GABRB1: variants seen among roughly 807,000 people sequenced by gnomAD.
GABRB1 encodes gamma-aminobutyric acid receptor subunit beta-1.
In GABRB1, 17 loss-of-function variants were observed where a neutral mutation model predicts 51.6. The observed-to-expected ratio is 0.33, with a 90% CI of 0.23 to 0.49. The LOEUF (loss-of-function observed/expected upper bound fraction) is 0.49, where lower values mean the gene tolerates loss of function less well. Ranked by LOEUF, GABRB1 falls within the 20% of genes least tolerant of loss-of-function variation. GABRB1 has a pLI of 0.99. For synonymous variants in GABRB1, 247 were observed against 218.9 expected (o/e 1.13, Z -1.14); for missense variants, 410 against 600.6 (o/e 0.68, Z 3.32).
chr4:47,001,203 C>T (rs1243621190), intron 1 of GABRB1, among the ~76,000 whole-genome samples: 7 of 152,048 alleles, frequency 4.6e-5, no homozygotes, highest in Non-Finnish European at 8.8e-5. Flanking sequence ...AGTACAGTGG[C>T]GCGATCTGGG....
chr4:47,407,586 A>G (rs1256115398), intron 8 of GABRB1, among the ~76,000 whole-genome samples: 1 of 152,176 alleles, frequency 6.6e-6, no homozygotes, highest in African/African-American at 2.4e-5. Flanking sequence ...ACTGAAATCA[A>G]TTTACCATTA....
At chr4:47,297,176 A>G (rs1724033875) in intron 4 of GABRB1, among the ~76,000 whole-genome samples, 1 of 151,706 alleles carries the variant, frequency 6.6e-6, no homozygotes, top group East Asian at 1.9e-4. Flanking sequence ...CAAAATTGAC[A>G]CCCTAACATC....
At chr4:47,100,061 G>A (rs1714653711) in intron 3 of GABRB1, among the ~76,000 whole-genome samples, 1 of 151,978 alleles carries the variant, frequency 6.6e-6, no homozygotes, top group Admixed American at 6.6e-5. Context: ...TTGAAATTAT[G>A]TTCGGGGTTT....
intron 5 of GABRB1, among the ~76,000 whole-genome samples, chr4:47,349,776 C>T (rs1578113263): frequency 6.6e-6 from 1 of 152,300 alleles, no homozygotes; most frequent in East Asian, 1.9e-4. Flanking sequence ...TTTACATGGC[C>T]TTCTAGTCAA....
intron 4 of GABRB1, among the ~76,000 whole-genome samples, chr4:47,221,045 T>C (rs1057468286): frequency 3.9e-5 from 6 of 152,030 alleles, no homozygotes; most frequent in African/African-American, 1.4e-4. Flanking sequence ...CCCTCCTAAA[T>C]GTCCCAAACT....
At chr4:47,121,995 G>GCCTATT (rs1181395573) in intron 3 of GABRB1, among the ~76,000 whole-genome samples, 10 of 29,008 alleles carry the variant, frequency 3.4e-4, no homozygotes, top group Non-Finnish European at 7.2e-4. Context: ...AAAAAGGCAT[G>GCCTATT]TCTATTTCCT....
At chr4:47,058,979 C>G (rs1459939739) in intron 3 of GABRB1, among the ~76,000 whole-genome samples, 1 of 152,178 alleles carries the variant, frequency 6.6e-6, no homozygotes, top group Non-Finnish European at 1.5e-5. Context: ...TGAAGTCCAT[C>G]TTATTAGTTG....
chr4:47,396,457 T>A (rs1216750513), intron 5 of GABRB1, among the ~76,000 whole-genome samples: 2 of 152,178 alleles, frequency 1.3e-5, no homozygotes, highest in Non-Finnish European at 2.9e-5. Context: ...TATTTTGCTA[T>A]TACAACAGTA....
intron 3 of GABRB1, among the ~76,000 whole-genome samples, chr4:47,080,707 G>T (rs1329885892): frequency 6.6e-6 from 1 of 152,178 alleles, no homozygotes; most frequent in Non-Finnish European, 1.5e-5. Flanking sequence ...GCCATGCCCA[G>T]TGTGCCTGGC....
intron 5 of GABRB1, among the ~76,000 whole-genome samples, chr4:47,389,700 G>A (rs990043216): frequency 6.6e-6 from 1 of 152,174 alleles, no homozygotes; most frequent in Admixed American, 6.5e-5. Context: ...TAATTGTTAT[G>A]CACATCTGGA....
At chr4:47,329,233 G>A (rs1174631624) in intron 5 of GABRB1, among the ~76,000 whole-genome samples, 1 of 151,944 alleles carries the variant, frequency 6.6e-6, no homozygotes, top group Non-Finnish European at 1.5e-5. Flanking sequence ...AGAAGGCATA[G>A]CAGACATTCT....
intron 3 of GABRB1, among the ~76,000 whole-genome samples, chr4:47,056,038 A>T (rs1553912492): frequency 1.3e-5 from 2 of 152,206 alleles, no homozygotes; most frequent in Non-Finnish European, 2.9e-5. Flanking sequence ...AGTATCTTCT[A>T]TGGAAATGGT....
At position 47,403,305 on chromosome 4, in the gene GABRB1, T is replaced by C. The variant is rs199730245; in HGVS notation, c.545-13T>C. 1.1e-3 allele frequency: 1,777 copies of C among 1,613,280 alleles called. 15 individuals are homozygous for C. The highest frequency in any genetic ancestry group is 9.7e-3 in the South Asian group (880 of 90,852). On this transcript the variant is annotated splice_polypyrimidine_tract_variant and intron_variant, in intron 5 of 8. Coordinates refer to ENST00000295454, the MANE Select transcript of GABRB1 (RefSeq NM_000812.4). ...TAAACTTTGTTTAACCGTGCTGTTT[T>C]TATTGGTTTCAGATGGCTATACCAC...
At chr4:47,388,258 G>A (rs1157191558) in intron 5 of GABRB1, among the ~76,000 whole-genome samples, 1 of 152,332 alleles carries the variant, frequency 6.6e-6, no homozygotes, top group Admixed American at 6.5e-5. Context: ...AATGCCTGGA[G>A]TCTAAATGCC....
chr4:47,017,964 T>G (rs898638543), intron 1 of GABRB1, among the ~76,000 whole-genome samples: 1 of 152,162 alleles, frequency 6.6e-6, no homozygotes, highest in Non-Finnish European at 1.5e-5. Context: ...ATCTTTTCTG[T>G]TGTTATTCAT....
chr4:47,026,403 T>C (rs569135877), intron 1 of GABRB1, among the ~76,000 whole-genome samples: 2 of 152,156 alleles, frequency 1.3e-5, no homozygotes, highest in South Asian at 4.1e-4. Flanking sequence ...TAAATATTTA[T>C]TTTATAAAAG....
intron 5 of GABRB1, among the ~76,000 whole-genome samples, chr4:47,366,251 T>C (rs138037864): frequency 1.6e-3 from 244 of 152,322 alleles, no homozygotes; most frequent in African/African-American, 5.5e-3. Context: ...ATCTCTTCAG[T>C]GTGCATGCAG....
chr4:47,187,234 T>C (rs1175749345), intron 4 of GABRB1, among the ~76,000 whole-genome samples: 1 of 151,928 alleles, frequency 6.6e-6, no homozygotes, highest in Non-Finnish European at 1.5e-5. Context: ...CTTACAAAGA[T>C]GGGACATGAG....
At chr4:47,213,709 T>C (rs1186279912) in intron 4 of GABRB1, among the ~76,000 whole-genome samples, 1 of 152,130 alleles carries the variant, frequency 6.6e-6, no homozygotes, top group Non-Finnish European at 1.5e-5. Context: ...CTCATTTCTG[T>C]TTTCTTATAT....
Sources: allele counts gnomAD v4.1 joint callset (sites outside exome capture counted in the v4.1 genomes callset), GRCh38; gene constraint gnomAD v4.1.1; transcripts MANE v1.5; gene names NCBI Gene and HGNC (gene_info 2026-07-23, HGNC 2026-07-21).